Variants in SHISAL1 observed in about 807,000 individuals in gnomAD.
SHISAL1 encodes shisa like 1.
In SHISAL1, 9 loss-of-function variants were observed where a neutral mutation model predicts 22.6. The ratio of observed to expected loss-of-function variants is 0.40; its 90% CI spans 0.24 to 0.70. The LOEUF is 0.70. Ranked by LOEUF, SHISAL1 falls within the 30% of genes least tolerant of loss-of-function variation. SHISAL1 has a pLI of 0.39. For synonymous variants in SHISAL1, 119 were observed against 115.4 expected (o/e 1.03, Z -0.20); for missense variants, 246 against 270.6 (o/e 0.91, Z 0.64).
In SHISAL1 at chr22:44,249,540, C is replaced by G. The variant is rs1278782268; in HGVS notation, c.*145G>C. The G allele has an allele frequency of 1.6e-6, 1 of 629,530 alleles. No homozygotes were observed. The highest frequency in any genetic ancestry group is 2.8e-5 in the East Asian group (1 of 35,952). 39.0% of individuals were successfully genotyped at this position (629,530 alleles called of 1,614,324 possible). A position where few individuals can be genotyped will look rare whatever the true frequency, so the allele number is the denominator to read the frequency against. ...AATCTTAGAAGTCCGCGGAAGGGGGCTTTGGGCACAGGCAGCATTTCCTCC... is the reference window on the plus strand; with the variant it reads ...AATCTTAGAAGTCCGCGGAAGGGGGGTTTGGGCACAGGCAGCATTTCCTCC... On this transcript the variant is annotated 3_prime_UTR_variant, in exon 5 of 5. Coordinates refer to ENST00000381176, the MANE Select transcript of SHISAL1 (RefSeq NM_001099294.2).
At chr22:44,286,751 C>G (rs1457534922) in intron 3 of SHISAL1, among the ~76,000 whole-genome samples, 1 of 152,222 alleles carries the variant, frequency 6.6e-6, no homozygotes, top group Non-Finnish European at 1.5e-5. Context: ...GGGTCCAAGT[C>G]TCCCCGACCT....
chr22:44,323,868 T>C, the SHISAL1 span, among the ~76,000 whole-genome samples: 1 of 152,242 alleles, frequency 6.6e-6, no homozygotes, highest in Non-Finnish European at 1.5e-5. Flanking sequence ...GCAGTGGTGA[T>C]AATAATTCCA....
At chr22:44,263,067 T>C (rs1314459642) in intron 4 of SHISAL1, among the ~76,000 whole-genome samples, 4 of 120,030 alleles carry the variant, frequency 3.3e-5, no homozygotes, top group East Asian at 2.6e-4. Flanking sequence ...TCACGTATTT[T>C]TTTCTTTCTT....
chr22:44,329,440 G>GAC, the SHISAL1 span, among the ~76,000 whole-genome samples: 9,018 of 144,990 alleles, frequency 0.062, 660 homozygotes, highest in African/African-American at 0.18. Flanking sequence ...GCGAGAATGG[G>GAC]ACACACACAC....
chr22:44,313,271 C>T (rs527726197), upstream of SHISAL1, among the ~76,000 whole-genome samples: 3 of 152,366 alleles, frequency 2.0e-5, no homozygotes, highest in South Asian at 2.1e-4. Flanking sequence ...GGTTCCCTCC[C>T]GTGGCCCTCA....
chr22:44,250,283 T>C (rs1294978927), intron 4 of SHISAL1, among the ~76,000 whole-genome samples: 2 of 152,324 alleles, frequency 1.3e-5, no homozygotes, highest in African/African-American at 4.8e-5. Flanking sequence ...ACCATTCATA[T>C]TGACAAAAAC....
chr22:44,293,008 AC>A (rs1363147459), intron 3 of SHISAL1, among the ~76,000 whole-genome samples: 2 of 150,790 alleles, frequency 1.3e-5, no homozygotes, highest in African/African-American at 4.9e-5. Flanking sequence ...AAGTCTATCC[AC>A]CCTATCCCCT....
chr22:44,324,635 C>T, the SHISAL1 span, among the ~76,000 whole-genome samples: 1 of 152,208 alleles, frequency 6.6e-6, no homozygotes, highest in Non-Finnish European at 1.5e-5. Context: ...GAAACTGAGG[C>T]TCCAGGGGTT....
chr22:44,285,368 C>T (rs2147290424), intron 4 of SHISAL1, 60 bp downstream of exon 4: 1 of 1,545,172 alleles, frequency 6.5e-7, no homozygotes, highest in South Asian at 1.1e-5. Flanking sequence ...ATGGCGTATT[C>T]TCCAAGCTCT....
At chr22:44,257,527 C>T (rs2055092857) in intron 4 of SHISAL1, among the ~76,000 whole-genome samples, 1 of 152,208 alleles carries the variant, frequency 6.6e-6, no homozygotes, top group African/African-American at 2.4e-5. Flanking sequence ...CCACCTTCCT[C>T]CCCTGGGCAA....
In SHISAL1 at chr22:44,312,912, A is replaced by C. The variant is rs900751735; in HGVS notation, c.-194T>G. On this transcript the variant is annotated 5_prime_UTR_variant, in exon 1 of 5. Transcript: ENST00000381176. ...TTGTATAGGCAAAAGAGTGTTTTCC[A>C]GCGCAGGCTGGCCTCTGTGTGCTGA... is the stretch of plus-strand genomic sequence containing the variant. 6.6e-6 allele frequency: 1 copy of C among 152,332 alleles called. No homozygotes were observed. The highest frequency in any genetic ancestry group is 2.4e-5 in the African/African-American group (1 of 41,468). 9.4% of individuals were successfully genotyped at this position (152,332 alleles called of 1,614,324 possible).
chr22:44,254,146 C>T (rs547987429), intron 4 of SHISAL1, among the ~76,000 whole-genome samples: 14 of 151,846 alleles, frequency 9.2e-5, no homozygotes, highest in South Asian at 4.2e-4. Flanking sequence ...GGGATGCAGC[C>T]GAGCCAATGC....
At chr22:44,309,321 G>C (rs1323688810) in intron 1 of SHISAL1, among the ~76,000 whole-genome samples, 1 of 152,204 alleles carries the variant, frequency 6.6e-6, no homozygotes, top group Non-Finnish European at 1.5e-5. Context: ...ATGATTAGCA[G>C]TGGTAGCATT....
At chr22:44,299,144 TGTAAAGGGCA>T (rs924034642) in intron 2 of SHISAL1, among the ~76,000 whole-genome samples, 1 of 152,044 alleles carries the variant, frequency 6.6e-6, no homozygotes, top group Non-Finnish European at 1.5e-5. Flanking sequence ...CACTAGAGGC[TGTAAAGGGCA>T]GTAAAGGGCA....
intron 4 of SHISAL1, among the ~76,000 whole-genome samples, chr22:44,259,611 G>A (rs1050356260): frequency 6.6e-6 from 1 of 152,096 alleles, no homozygotes; most frequent in African/African-American, 2.4e-5. Context: ...GCATGGCATG[G>A]CTGCATGTGG....
intron 4 of SHISAL1, among the ~76,000 whole-genome samples, chr22:44,255,051 C>T (rs1310754717): frequency 1.3e-5 from 2 of 152,230 alleles, no homozygotes; most frequent in East Asian, 3.9e-4. Flanking sequence ...TCTCCTGATC[C>T]TCCTCCTCCT....
At chr22:44,256,319 C>A (rs2147269593) in intron 4 of SHISAL1, among the ~76,000 whole-genome samples, 1 of 152,218 alleles carries the variant, frequency 6.6e-6, no homozygotes, top group South Asian at 2.1e-4. Context: ...AGGCCCTCGA[C>A]TCACACTGGA....
chr22:44,286,244 G>A (rs2055314736), intron 3 of SHISAL1, among the ~76,000 whole-genome samples: 1 of 152,184 alleles, frequency 6.6e-6, no homozygotes, highest in Non-Finnish European at 1.5e-5. Flanking sequence ...CAAGAGCAGA[G>A]GCATCAGGTT....
intron 1 of SHISAL1, 122 bp from the exon 2 acceptor site, chr22:44,301,099 G>A: frequency 1.6e-6 from 1 of 628,334 alleles, no homozygotes; most frequent in Admixed American, 2.6e-5. Context: ...TCGGGAGCAG[G>A]GGCCGGGTGC....
Sources: allele counts gnomAD v4.1 joint callset (sites outside exome capture counted in the v4.1 genomes callset), GRCh38; gene constraint gnomAD v4.1.1; transcripts MANE v1.5; gene names NCBI Gene and HGNC (gene_info 2026-07-23, HGNC 2026-07-21).